The following SLC43A2 variants were observed in gnomAD, a reference collection of about 807,000 sequenced individuals.
SLC43A2 encodes the protein large neutral amino acids transporter small subunit 4.
In SLC43A2, 38 loss-of-function variants were observed where a neutral mutation model predicts 63.2. The observed-to-expected ratio is 0.60, with a 90% CI of 0.46 to 0.79. SLC43A2 has a LOEUF of 0.79. Among genes scored for constraint, SLC43A2 ranks in the 30% least tolerant of loss-of-function variants. The pLI, the probability that SLC43A2 is intolerant of heterozygous loss-of-function variation, is 0.00. For synonymous variants in SLC43A2, 322 were observed against 331.0 expected, an observed-to-expected ratio of 0.97 and a Z score of 0.30; for missense variants, 644 against 756.2, an observed-to-expected ratio of 0.85 and a Z score of 1.74.
In SLC43A2 at chr17:1,575,411, A is replaced by C; in HGVS notation, c.*193T>G. 4 of 699,334 alleles carry C rather than the reference A, an allele frequency of 5.7e-6. No homozygotes were observed. Among genetic ancestry groups the C allele is most frequent in the Non-Finnish European group, 9.3e-6 (4 of 428,628 alleles). The allele number at this position is 699,334 out of a possible 1,614,324, so 43.3% of individuals were successfully genotyped here. A position where few individuals can be genotyped will look rare whatever the true frequency, so the allele number is the denominator to read the frequency against. On this transcript the variant is annotated 3_prime_UTR_variant, in exon 14 of 14. Coordinates refer to ENST00000301335, the MANE Select transcript of SLC43A2 (RefSeq NM_152346.3). Reference sequence around the variant, plus strand: ...CAGGGCAGCCCCTGCGTTCGGCAGGAGAAAACGCGCGTGTCCGGGGCCCTC... The same window carrying C: ...CAGGGCAGCCCCTGCGTTCGGCAGGCGAAAACGCGCGTGTCCGGGGCCCTC...
At chr17:1,604,916 A>T (rs190074684) in intron 5 of SLC43A2, 226 of 1,529,316 alleles carry the variant, frequency 1.5e-4, no homozygotes, top group Admixed American at 3.7e-4. Context: ...GCTGCGCATA[A>T]TGGCTGTTCG....
chr17:1,597,738 G>T (rs1192340366), intron 5 of SLC43A2, among the ~76,000 whole-genome samples: 1 of 151,948 alleles, frequency 6.6e-6, no homozygotes, highest in Non-Finnish European at 1.5e-5. Flanking sequence ...GGCAGAGCTT[G>T]CAGTGAGTCA....
chr17:1,595,243 T>G (rs1369315377), intron 5 of SLC43A2, among the ~76,000 whole-genome samples: 2 of 150,242 alleles, frequency 1.3e-5, no homozygotes, highest in Non-Finnish European at 3.0e-5. Flanking sequence ...ACTGCGCCAC[T>G]GCACTCCAGC....
intron 5 of SLC43A2, among the ~76,000 whole-genome samples, chr17:1,608,575 G>A (rs1357246913): frequency 6.6e-6 from 1 of 152,096 alleles, no homozygotes; most frequent in Non-Finnish European, 1.5e-5. Flanking sequence ...TGCATGTTTA[G>A]TACAGATTGG....
At chr17:1,599,287 C>T (rs1027760267) in intron 5 of SLC43A2, among the ~76,000 whole-genome samples, 2 of 151,794 alleles carry the variant, frequency 1.3e-5, no homozygotes, top group African/African-American at 4.8e-5. Flanking sequence ...TTGCAATGAG[C>T]CAAGATCATG....
In SLC43A2 at chr17:1,575,062, CAG is replaced by C. The variant is rs1225794538; in HGVS notation, c.*540_*541del. The C allele has an allele frequency of 6.0e-6, 1 of 166,372 alleles. No homozygotes were observed. The highest frequency in any genetic ancestry group is 2.4e-5 in the African/African-American group (1 of 41,500). 10.3% of individuals were successfully genotyped at this position (166,372 alleles called of 1,614,324 possible). A position where few individuals can be genotyped will look rare whatever the true frequency, so the allele number is the denominator to read the frequency against. ...GGGTGGGCAGGCCCTGGACAGGCGA[CAG>C]GGGGCTGGAATTACAAAGGAATTAG... On this transcript the variant is annotated 3_prime_UTR_variant, in exon 14 of 14. Coordinates refer to ENST00000301335, the MANE Select transcript of SLC43A2 (RefSeq NM_152346.3).
Position 1,583,957 on chromosome 17 carries a change from G to A in SLC43A2, c.1218-621C>T, listed in dbSNP as rs188365863. Among the ~76,000 whole-genome samples, 384 of 152,106 alleles carry A rather than the reference G, an allele frequency of 2.5e-3. 1 individual carries two copies. Among genetic ancestry groups the A allele is most frequent in the African/African-American group, 8.5e-3 (353 of 41,496 alleles). ...GTCACCCGGGCTGGAGTGCAGTGGT[G>A]TGATCTCGGCTCATTGCCACCTCTG... On this transcript the variant is annotated intron_variant, in intron 10 of 13. Coordinates refer to ENST00000301335, the MANE Select transcript of SLC43A2 (RefSeq NM_152346.3). This position sits in a 1 kb window ranked among gnomAD's most constrained non-coding sequence, Gnocchi z 5.5.
At chr17:1,622,438 G>A (rs1211711918) in intron 2 of SLC43A2, among the ~76,000 whole-genome samples, 10 of 152,080 alleles carry the variant, frequency 6.6e-5, no homozygotes, top group East Asian at 1.9e-4. Context: ...GGTGGCGGGC[G>A]CCTGCAGTCC....
chr17:1,580,932 C>T (rs576052580), intron 11 of SLC43A2, among the ~76,000 whole-genome samples: 12 of 152,196 alleles, frequency 7.9e-5, no homozygotes, highest in East Asian at 5.8e-4. Flanking sequence ...GACAGGGTGT[C>T]GCCATATTGC....
At chr17:1,620,916 G>T (rs577230762) in intron 2 of SLC43A2, among the ~76,000 whole-genome samples, 2 of 152,064 alleles carry the variant, frequency 1.3e-5, no homozygotes. Context: ...GCTTGACCCC[G>T]GGCCAGCCTG....
chr17:1,582,042 T>C (rs1408737171), intron 11 of SLC43A2, among the ~76,000 whole-genome samples: 1 of 151,258 alleles, frequency 6.6e-6, no homozygotes, highest in Non-Finnish European at 1.5e-5. Context: ...CCTGACCTCG[T>C]GATCCACCTG....
chr17:1,621,349 C>T (rs1393617983), intron 2 of SLC43A2, among the ~76,000 whole-genome samples: 2 of 152,182 alleles, frequency 1.3e-5, no homozygotes, highest in East Asian at 3.9e-4. Flanking sequence ...TGCCCCCTTC[C>T]CTGACTAGTC....
chr17:1,583,520 G>GC lies in SLC43A2; in HGVS notation c.1218-185_1218-184insG. ...TACGGACACTCCCCGGCCCTTCTCA[G>GC]TGGCAAGCTGAGTGTGACTCTCGGA... On this transcript the variant is annotated intron_variant, in intron 10 of 13. Coordinates refer to ENST00000301335, the MANE Select transcript of SLC43A2 (RefSeq NM_152346.3). The surrounding 1 kb of genome is among the most constrained non-coding windows in gnomAD (Gnocchi z 5.5). 2.0e-6 allele frequency: 2 copies of GC among 990,160 alleles called. No homozygotes were observed. The highest frequency in any genetic ancestry group is 2.9e-6 in the Non-Finnish European group (2 of 700,858). The allele number at this position is 990,160 out of a possible 1,614,324, so 61.3% of individuals were successfully genotyped here.
Position 1,591,352 on chromosome 17 carries a change from T to G in SLC43A2, c.848A>C (p.Lys283Thr). Residue 283 changes from lysine (K) to threonine (T), a missense_variant, in exon 8 of 14, where the codon AAG (lysine) becomes ACG (threonine). By Grantham distance (78) the Lys-to-Thr change is moderately conservative (BLOSUM62 -1). This residue lies in a region of SLC43A2 where 528 missense variants were observed against 623.6 expected (regional missense o/e 0.85). Coordinates refer to ENST00000301335, the MANE Select transcript of SLC43A2 (RefSeq NM_152346.3). ...LSVGSSMRSA[K>T]EQVALQEGHK... ...GCCCTCCTGCAGCGCCACCTGCTCCTTGGCACTCCTCATGGAGCTGCCCAC... is the reference window on the plus strand; with the variant it reads ...GCCCTCCTGCAGCGCCACCTGCTCCGTGGCACTCCTCATGGAGCTGCCCAC... 6.2e-7 allele frequency: 1 copy of G among 1,611,300 alleles called. No individual in the cohort carries two copies. Among genetic ancestry groups the G allele is most frequent in the Non-Finnish European group, 8.5e-7 (1 of 1,179,974 alleles).
At chr17:1,610,995 T>A (rs1907046861) in intron 5 of SLC43A2, among the ~76,000 whole-genome samples, 2 of 151,872 alleles carry the variant, frequency 1.3e-5, no homozygotes, top group African/African-American at 2.4e-5. Flanking sequence ...GACCCACCAC[T>A]GTGCCCAGCT....
intron 8 of SLC43A2, 21 bp downstream of exon 8, chr17:1,591,248 G>C: frequency 1.9e-6 from 3 of 1,599,410 alleles, no homozygotes; most frequent in Non-Finnish European, 2.5e-6. Flanking sequence ...CCGTCGCCCG[G>C]CTGCGGTCTC....
chr17:1,619,194 C>T (rs1009531391), intron 2 of SLC43A2, among the ~76,000 whole-genome samples: 16 of 151,208 alleles, frequency 1.1e-4, no homozygotes, highest in Admixed American at 3.3e-4. Flanking sequence ...CACAGCTACT[C>T]GGGAGGCTGA....
chr17:1,585,597 A>T, intron 10 of SLC43A2: 1 of 1,104,120 alleles, frequency 9.1e-7, no homozygotes, highest in Non-Finnish European at 1.2e-6. Flanking sequence ...CATGTTTCCC[A>T]GGCTGGTCTC....
At chr17:1,613,095 T>C (rs896871623) in intron 5 of SLC43A2, 100 bp downstream of exon 5, 25 of 1,086,234 alleles carry the variant, frequency 2.3e-5, no homozygotes, top group Admixed American at 6.1e-5. Flanking sequence ...CCCAGGCACA[T>C]GCAGGCACAT....
Sources: gnomAD v4.1 joint callset for allele counts (sites outside exome capture counted in the v4.1 genomes callset) on GRCh38, gnomAD v4.1.1 for gene constraint, gnomAD v4.1.1 regional missense constraint, Gnocchi (gnomAD v3.1) non-coding constraint, MANE v1.5 for transcripts, NCBI Gene and HGNC (gene_info 2026-07-23, HGNC 2026-07-21) for gene names.